Variants in EMG1 observed in about 807,000 individuals in gnomAD.
EMG1 encodes EMG1 N1-specific pseudouridine methyltransferase.
A neutral mutation model predicts 26.9 loss-of-function variants in EMG1; 24 were observed. The observed-to-expected ratio is 0.89, with a 90% CI of 0.65 to 1.26. The LOEUF (loss-of-function observed/expected upper bound fraction) is 1.26, where lower values mean the gene tolerates loss of function less well. Ranked by LOEUF, EMG1 falls within the 50% of genes most tolerant of loss-of-function variation. The probability of loss-of-function intolerance (pLI) is 0.00; values close to 1 mark genes in which losing one functional copy is unlikely to be tolerated. For synonymous variants in EMG1, 140 were observed against 112.6 expected (o/e 1.24, Z -1.54); for missense variants, 299 against 307.6 (o/e 0.97, Z 0.21).
At chr12:6,992,061 G>T (rs1168496271), downstream of EMG1, among the ~76,000 whole-genome samples, 3 of 151,776 alleles carry the variant, frequency 2.0e-5, no homozygotes, top group Admixed American at 2.0e-4. Flanking sequence ...GTGTGGTGGT[G>T]CATACCAGTT....
intron 3 of EMG1, 57 bp from the exon 4 acceptor site, chr12:6,975,033 C>A: frequency 1.3e-6 from 2 of 1,547,278 alleles, no homozygotes; most frequent in Non-Finnish European, 1.8e-6. Context: ...TGTTCGATGA[C>A]TGGACAGAAG....
Position 6,977,336 on chromosome 12 carries a change from C to G in EMG1, c.*1527C>G. On this transcript the variant is annotated 3_prime_UTR_variant, in exon 6 of 6. Coordinates refer to ENST00000599672, the MANE Select transcript of EMG1 (RefSeq NM_006331.8). The surrounding 1 kb of genome is among the most constrained non-coding windows in gnomAD (Gnocchi z 4.5). ...CAACCTTTGAGGTTGCAGTGAGTCC[C>G]TCCCAGTCTCACAAGCAGGCCTTCA... 6.2e-7 allele frequency: 1 copy of G among 1,613,770 alleles called. No individual in the cohort carries two copies.
downstream of EMG1, chr12:6,981,718 T>TTTTTTG: frequency 3.5e-6 from 1 of 285,274 alleles, no homozygotes; most frequent in Non-Finnish European, 6.4e-6. Context: ...CAGAAGTGTA[T>TTTTTTG]GGCGGGGGGC....
chr12:6,990,916 C>CAAAAAAAAAAAAAAAAAAAGAAAAAAAA, downstream of EMG1, among the ~76,000 whole-genome samples: 1 of 68,138 alleles, frequency 1.5e-5, no homozygotes, highest in Non-Finnish European at 3.6e-5. Flanking sequence ...GACTCCAAAT[C>CAAAAAAAAAAAAAAAAAAAGAAAAAAAA]AAAAAAAAAA....
In EMG1 at chr12:6,977,540, G is replaced by A. The variant is rs782685832; in HGVS notation, c.*1731G>A. The stretch of plus-strand genomic sequence containing the variant: ...AGCCTGGCAGCCTGGGGAGGGAGGA[G>A]GAGCTCATCAGCATCTTGTCCCTTA... On this transcript the variant is annotated 3_prime_UTR_variant, in exon 6 of 6. Transcript: ENST00000599672. This position sits in a 1 kb window ranked among gnomAD's most constrained non-coding sequence, Gnocchi z 4.5. 21 of 1,614,034 alleles carry A rather than the reference G, an allele frequency of 1.3e-5. No individual in the cohort carries two copies. The highest frequency in any genetic ancestry group is 1.6e-5 in the Non-Finnish European group (19 of 1,180,030).
chr12:6,973,665 C>T (rs1464993320), intron 1 of EMG1, among the ~76,000 whole-genome samples: 2 of 152,156 alleles, frequency 1.3e-5, no homozygotes, highest in Non-Finnish European at 2.9e-5. Context: ...GCCTCTGCCT[C>T]CCAAGTAGCT....
In EMG1 at chr12:6,977,487, C is replaced by G. The variant is rs782383008; in HGVS notation, c.*1678C>G. ...GCTGGAGGACAGTAATGGCGGCCAG[C>G]TTGCTCAGGGTGGGGCTCTCTTGAA... On this transcript the variant is annotated 3_prime_UTR_variant, in exon 6 of 6. Coordinates refer to ENST00000599672, the MANE Select transcript of EMG1 (RefSeq NM_006331.8). The surrounding 1 kb of genome is among the most constrained non-coding windows in gnomAD (Gnocchi z 4.5). 6.2e-7 allele frequency: 1 copy of G among 1,614,192 alleles called. No homozygotes were observed. The highest frequency in any genetic ancestry group is 1.1e-5 in the South Asian group (1 of 91,084).
rs948441186 is a variant in EMG1 at position 6,986,331 on chromosome 12, T to A, written c.*155-1451T>A. 3.2e-3 allele frequency among the ~76,000 whole-genome samples: 487 copies of A among 152,078 alleles called. 5 individuals carry two copies. Among genetic ancestry groups the A allele is most frequent in the African/African-American group, 0.011 (460 of 41,324 alleles). On this transcript the variant is annotated intron_variant and NMD_transcript_variant, in intron 6 of 7. Transcript: ENST00000261406. ...CCACTGAATGAAGAGTAAACATATT[T>A]TTTCTTGCTTATGATTCTCTTAATA... is the stretch of plus-strand genomic sequence containing the variant.
rs782235442 is a variant in EMG1, at chr12:6,975,125, G to A, written c.448G>A (p.Asp150Asn). The A allele has an allele frequency of 5.5e-5, 89 of 1,613,920 alleles. No homozygotes were observed. The highest frequency in any genetic ancestry group is 7.2e-5 in the Non-Finnish European group (85 of 1,179,924). ...LLHKLSVRAADGPQKLLKVIK... is the reference protein window; with the variant it reads ...LLHKLSVRAANGPQKLLKVIK... ...ACACAAGCTCAGTGTTCGAGCAGCT[G>A]ATGGCCCCCAGAAGCTTTTGAAGGT... Residue 150 changes from aspartate (D) to asparagine (N), a missense_variant, in exon 4 of 6, where the codon GAT becomes AAT. By Grantham distance (23) the Asp-to-Asn change is conservative. Coordinates refer to ENST00000599672, the MANE Select transcript of EMG1 (RefSeq NM_006331.8).
At chr12:6,974,472 G>C (rs782180735) in intron 2 of EMG1, 32 bp downstream of exon 2, 2 of 1,608,076 alleles carry the variant, frequency 1.2e-6, no homozygotes, top group Non-Finnish European at 1.7e-6. Flanking sequence ...ACAACCCTTT[G>C]AGCCTCTGTA....
At chr12:6,975,555 G>A (rs1467966936) in intron 5 of EMG1, 141 bp from the exon 6 acceptor site, 11 of 954,368 alleles carry the variant, frequency 1.2e-5, no homozygotes, top group Non-Finnish European at 1.7e-5. Context: ...TCACAGTTAG[G>A]ACCTTCTTCA....
At position 6,979,765 on chromosome 12, in the gene EMG1, G is replaced by A; in HGVS notation, c.*3956G>A. The A allele has an allele frequency of 1.7e-6, 1 of 604,742 alleles. No individual in the cohort carries two copies. The highest frequency in any genetic ancestry group is 3.0e-6 in the Non-Finnish European group (1 of 338,688). The allele number at this position is 604,742 out of a possible 1,614,324, so 37.5% of individuals were successfully genotyped here. A position where few individuals can be genotyped will look rare whatever the true frequency, so the allele number is the denominator to read the frequency against. ...ATTTCTATGGCTGGCTATGAGGAATGGGGACTGCAAACCTCTTAAGAGTTG... is the reference window on the plus strand; with the variant it reads ...ATTTCTATGGCTGGCTATGAGGAATAGGGACTGCAAACCTCTTAAGAGTTG... On this transcript the variant is annotated 3_prime_UTR_variant, in exon 6 of 6. Coordinates refer to ENST00000599672, the MANE Select transcript of EMG1 (RefSeq NM_006331.8).
At chr12:6,997,076 T>C (rs1231779234) in intron 7 of EMG1, 1 of 152,236 alleles carries the variant, frequency 6.6e-6, no homozygotes. Context: ...TTTATGCCAC[T>C]GATATAATGG....
intron 7 of EMG1, among the ~76,000 whole-genome samples, chr12:6,994,188 G>T (rs1591552536): frequency 1.3e-5 from 2 of 152,074 alleles, no homozygotes; most frequent in East Asian, 3.9e-4. Context: ...ATATACCTAG[G>T]AATGGATCTC....
intron 5 of EMG1, 71 bp from the exon 6 acceptor site, chr12:6,975,625 T>C: frequency 8.9e-7 from 1 of 1,118,746 alleles, no homozygotes; most frequent in South Asian, 1.2e-5. Flanking sequence ...GCCATAGTTT[T>C]CCTGCCCTAA....
In EMG1 at chr12:6,977,778, A is replaced by C; in HGVS notation, c.*1969A>C. The C allele has an allele frequency of 6.2e-7, 1 of 1,612,732 alleles. No individual in the cohort carries two copies. Among genetic ancestry groups the C allele is most frequent in the Non-Finnish European group, 8.5e-7 (1 of 1,179,466 alleles). On this transcript the variant is annotated 3_prime_UTR_variant, in exon 6 of 6. Transcript: ENST00000599672. This position sits in a 1 kb window ranked among gnomAD's most constrained non-coding sequence, Gnocchi z 4.5. The stretch of plus-strand genomic sequence containing the variant: ...AAAGGGTGGGTGGGGCGACCCTCAA[A>C]CTGACTGGTCCTTGCATCCCGCCAC...
rs993652525 is a variant in EMG1 at position 6,974,613 on chromosome 12, A to G, written c.332A>G (p.His111Arg). 3.4e-5 allele frequency: 55 copies of G among 1,614,036 alleles called. No individual in the cohort carries two copies. The highest frequency in any genetic ancestry group is 4.7e-5 in the Non-Finnish European group (55 of 1,179,888). ...GCTGGCTTGCTACAGGTTTATATCCATACACAGAAGAATGTTCTGATTGAA... is the reference window on the plus strand; with the variant it reads ...GCTGGCTTGCTACAGGTTTATATCCGTACACAGAAGAATGTTCTGATTGAA... ...NRAGLLQVYIHTQKNVLIEVN... is the reference protein window; with the variant it reads ...NRAGLLQVYIRTQKNVLIEVN... Residue 111 changes from histidine to arginine, a missense_variant, in exon 3 of 6, where the codon CAT becomes CGT. By Grantham distance (29) the His-to-Arg change is conservative. Coordinates refer to ENST00000599672, the MANE Select transcript of EMG1 (RefSeq NM_006331.8).
downstream of EMG1, among the ~76,000 whole-genome samples, chr12:6,990,798 T>G (rs781843438): frequency 1.3e-5 from 2 of 148,588 alleles, no homozygotes; most frequent in South Asian, 4.3e-4. Context: ...GCGCCTGTGA[T>G]CCCAGCTACT....
downstream of EMG1, among the ~76,000 whole-genome samples, chr12:6,992,812 C>T (rs1946601242): frequency 1.3e-5 from 2 of 152,098 alleles, no homozygotes; most frequent in South Asian, 2.1e-4. Context: ...TTCTAGTACT[C>T]GCAGCAGACA....
Sources: gnomAD v4.1 joint callset for allele counts (sites outside exome capture counted in the v4.1 genomes callset) on GRCh38, gnomAD v4.1.1 for gene constraint, Gnocchi (gnomAD v3.1) non-coding constraint, MANE v1.5 for transcripts, NCBI Gene and HGNC (gene_info 2026-07-23, HGNC 2026-07-21) for gene names.